The following ITPRIP variants were observed in gnomAD, a reference collection of about 807,000 sequenced individuals.
ITPRIP encodes inositol 1,4,5-trisphosphate receptor interacting protein, also known as inositol 1,4,5-trisphosphate receptor-interacting protein.
Under a neutral mutation model 35.8 loss-of-function variants are expected in ITPRIP, and 32 were observed. That is an observed-to-expected ratio of 0.89 (90% CI 0.68 to 1.20). ITPRIP has a LOEUF of 1.20. Among genes scored for constraint, ITPRIP ranks in the 50% most tolerant of loss-of-function variants. ITPRIP has a pLI of 0.00. For missense variants in ITPRIP, 653 were observed against 735.6 expected, an observed-to-expected ratio of 0.89 and a Z score of 1.30; for synonymous variants, 358 against 324.0, an observed-to-expected ratio of 1.11 and a Z score of -1.13.
chr10:104,325,446 G>A lies in ITPRIP; in HGVS notation c.-13-9382C>T, dbSNP rs539692587. ...CCCAAACCTAGGCCTGATTACTCCC[G>A]TGTCTCCTCGTTGGCCCCAGCAGCC... On this transcript the variant is annotated intron_variant, in intron 1 of 1. Coordinates refer to ENST00000337478, the MANE Select transcript of ITPRIP (RefSeq NM_001272013.2). Among the ~76,000 whole-genome samples, 9 of 152,184 alleles carry A rather than the reference G, an allele frequency of 5.9e-5. No individual in the cohort carries two copies. The South Asian group carries it at 6.2e-4, about 11-fold the overall frequency.
chr10:104,314,714 G>A lies in ITPRIP; in HGVS notation c.1338C>T (p.Ala446=), dbSNP rs746212406. The change falls in exon 2 of 2, where the codon GCC becomes GCT. Residue 446 remains alanine (A), a synonymous_variant. Coordinates refer to ENST00000337478, the MANE Select transcript of ITPRIP (RefSeq NM_001272013.2). ...CCAGCTGCCCCGCCTTCCAGTCGGC[G>A]GCCTGCCGGAGGAGTAGGAGGTGCA... ...ALLHLLLLRQ[A]ADWKAGQLDA... The A allele has an allele frequency of 8.1e-6, 13 of 1,613,626 alleles. No homozygotes were observed. The highest frequency in any genetic ancestry group is 1.3e-5 in the African/African-American group (1 of 74,950).
chr10:104,324,036 T>G (rs1190480819), intron 1 of ITPRIP: 1 of 152,756 alleles, frequency 6.5e-6, no homozygotes, highest in East Asian at 1.9e-4. Flanking sequence ...AAGTAGGAGT[T>G]GACTTATTGC....
chr10:104,323,320 A>C (rs2135193618), intron 1 of ITPRIP: 1 of 152,342 alleles, frequency 6.6e-6, no homozygotes, highest in East Asian at 1.9e-4. Context: ...TCATTTAGGT[A>C]GTTGCATTAA....
intron 1 of ITPRIP, among the ~76,000 whole-genome samples, chr10:104,322,631 C>G (rs1307407045): frequency 6.6e-6 from 1 of 152,188 alleles, no homozygotes; most frequent in Non-Finnish European, 1.5e-5. Context: ...TGCAGTGTCA[C>G]AGCAGCCCAC....
chr10:104,321,513 C>T (rs1041511509), intron 1 of ITPRIP, among the ~76,000 whole-genome samples: 1 of 152,106 alleles, frequency 6.6e-6, no homozygotes, highest in Non-Finnish European at 1.5e-5. Context: ...GGGAGAAATC[C>T]AAGGCTTCCT....
At chr10:104,322,651 A>T (rs1343176599) in intron 1 of ITPRIP, among the ~76,000 whole-genome samples, 1 of 152,208 alleles carries the variant, frequency 6.6e-6, no homozygotes, top group African/African-American at 2.4e-5. Context: ...CATCCTGGAA[A>T]TTGCCAAGGG....
At chr10:104,335,530 G>A (rs2014218468) in intron 1 of ITPRIP, among the ~76,000 whole-genome samples, 1 of 152,030 alleles carries the variant, frequency 6.6e-6, no homozygotes, top group Non-Finnish European at 1.5e-5. Flanking sequence ...ACCTCACACC[G>A]CCCAGAGATT....
At chr10:104,317,625 G>A (rs569176307) in intron 1 of ITPRIP, among the ~76,000 whole-genome samples, 1 of 152,318 alleles carries the variant, frequency 6.6e-6, no homozygotes, top group East Asian at 1.9e-4. Flanking sequence ...ATGCAAATCA[G>A]TTGAGGTCCT....
Position 104,316,694 on chromosome 10 carries a change from T to C in ITPRIP, c.-13-630A>G, listed in dbSNP as rs139958975. On this transcript the variant is annotated intron_variant, in intron 1 of 1. Coordinates refer to ENST00000337478, the MANE Select transcript of ITPRIP (RefSeq NM_001272013.2). ...TGAAGGCATTGCTGTCTGAGCTCTT[T>C]AGTCACACAAGTCAATAAAGAAACC... Among the ~76,000 whole-genome samples, 739 of 152,300 alleles carry C rather than the reference T, an allele frequency of 4.9e-3. 6 individuals carry two copies. The highest frequency in any genetic ancestry group is 0.015 in the African/African-American group (637 of 41,552).
At chr10:104,337,733 A>G (rs920258011) in intron 1 of ITPRIP, among the ~76,000 whole-genome samples, 1 of 152,092 alleles carries the variant, frequency 6.6e-6, no homozygotes, top group African/African-American at 2.4e-5. Context: ...AAGCAGCCCC[A>G]TAACTTCACT....
Position 104,313,864 on chromosome 10 carries a change from C to T in ITPRIP, c.*544G>A. On this transcript the variant is annotated 3_prime_UTR_variant, in exon 2 of 2. Coordinates refer to ENST00000337478, the MANE Select transcript of ITPRIP (RefSeq NM_001272013.2). Reference sequence around the variant, plus strand: ...TCCAAATAGTATAAAAAAGTGGCAGCCATGGTGGGACCACTATTGTGCAGG... The same window carrying T: ...TCCAAATAGTATAAAAAAGTGGCAGTCATGGTGGGACCACTATTGTGCAGG... 1 of 985,766 alleles carries T rather than the reference C, an allele frequency of 1.0e-6. No homozygotes were observed. The highest frequency in any genetic ancestry group is 1.2e-6 in the Non-Finnish European group (1 of 830,218). 61.1% of individuals were successfully genotyped at this position (985,766 alleles called of 1,614,324 possible). A position where few individuals can be genotyped will look rare whatever the true frequency, so the allele number is the denominator to read the frequency against.
At chr10:104,336,144 C>T (rs1564868425) in intron 1 of ITPRIP, among the ~76,000 whole-genome samples, 2 of 152,160 alleles carry the variant, frequency 1.3e-5, no homozygotes, top group Non-Finnish European at 2.9e-5. Flanking sequence ...AAGCCCCATC[C>T]TCTTGCCAAG....
At chr10:104,317,370 CT>C (rs1449475677) in intron 1 of ITPRIP, among the ~76,000 whole-genome samples, 1 of 152,206 alleles carries the variant, frequency 6.6e-6, no homozygotes, top group Non-Finnish European at 1.5e-5. Context: ...GGACCAGCAG[CT>C]GCAGTATCTC....
intron 1 of ITPRIP, among the ~76,000 whole-genome samples, chr10:104,320,152 G>A (rs1322153600): frequency 6.6e-6 from 1 of 150,982 alleles, no homozygotes; most frequent in East Asian, 1.9e-4. Flanking sequence ...CAGGAGAGAT[G>A]AACTAAGAGT....
chr10:104,334,249 G>A (rs2014200655), intron 1 of ITPRIP, among the ~76,000 whole-genome samples: 1 of 152,224 alleles, frequency 6.6e-6, no homozygotes, highest in African/African-American at 2.4e-5. Flanking sequence ...AGGGCAGGCT[G>A]CCTGAGGCAG....
At chr10:104,335,381 C>T (rs1333545908) in intron 1 of ITPRIP, among the ~76,000 whole-genome samples, 4 of 152,162 alleles carry the variant, frequency 2.6e-5, no homozygotes. Flanking sequence ...TTTGGAAGGT[C>T]AGGACAGTTG....
Position 104,313,301 on chromosome 10 carries a change from C to A in ITPRIP, c.*1107G>T. 3 of 986,024 alleles carry A rather than the reference C, an allele frequency of 3.0e-6. No homozygotes were observed. The highest frequency in any genetic ancestry group is 3.6e-6 in the Non-Finnish European group (3 of 830,342). The allele number at this position is 986,024 out of a possible 1,614,324, so 61.1% of individuals were successfully genotyped here. ...AGACTGCAAGCCAGACACCACCACC[C>A]CGGGTAGCATTTTTGAGCACCTCAT... is the stretch of plus-strand genomic sequence containing the variant. On this transcript the variant is annotated 3_prime_UTR_variant, in exon 2 of 2. Coordinates refer to ENST00000337478, the MANE Select transcript of ITPRIP (RefSeq NM_001272013.2).
rs1407309719 is a variant in ITPRIP at position 104,311,027 on chromosome 10, C to T, written c.*3381G>A. The T allele has an allele frequency of 1.3e-5, 2 of 152,398 alleles. No individual in the cohort carries two copies. The highest frequency in any genetic ancestry group is 3.9e-4 in the East Asian group (2 of 5,190). The allele number at this position is 152,398 out of a possible 1,614,324, so 9.4% of individuals were successfully genotyped here. A position where few individuals can be genotyped will look rare whatever the true frequency, so the allele number is the denominator to read the frequency against. On this transcript the variant is annotated 3_prime_UTR_variant, in exon 2 of 2. Transcript: ENST00000337478. ...ACCTTCTGCTGCCTCTCCTAGGGAA[C>T]AGGCTTGGTCCTATTCATTTTCCCA...
At position 104,313,276 on chromosome 10, in the gene ITPRIP, A is replaced by C; in HGVS notation, c.*1132T>G. 1.0e-6 allele frequency: 1 copy of C among 985,832 alleles called. No individual in the cohort carries two copies. Among genetic ancestry groups the C allele is most frequent in the Non-Finnish European group, 1.2e-6 (1 of 830,200 alleles). 61.1% of individuals were successfully genotyped at this position (985,832 alleles called of 1,614,324 possible). On this transcript the variant is annotated 3_prime_UTR_variant, in exon 2 of 2. Transcript: ENST00000337478. ...TCTGCAACTTTCTCTGAACTGGGCC[A>C]GACTGCAAGCCAGACACCACCACCC...
Sources: gnomAD v4.1 joint callset for allele counts (sites outside exome capture counted in the v4.1 genomes callset) on GRCh38, gnomAD v4.1.1 for gene constraint, MANE v1.5 for transcripts, NCBI Gene and HGNC (gene_info 2026-07-23, HGNC 2026-07-21) for gene names.